Variants in MPP7 observed in about 807,000 individuals in gnomAD.
MPP7 encodes the protein MAGUK p55 subfamily member 7.
MPP7 carries 60 observed loss-of-function variants against 76.5 expected under a neutral mutation model. That is an observed-to-expected ratio of 0.78 (90% confidence interval 0.64 to 0.97). The LOEUF (loss-of-function observed/expected upper bound fraction) is 0.97. Ranked by LOEUF, MPP7 falls within the 50% of genes least tolerant of loss-of-function variation. The pLI, the probability that MPP7 is intolerant of heterozygous loss-of-function variation, is 0.00. For missense variants in MPP7, 641 were observed against 694.0 expected (o/e 0.92, Z 0.86); for synonymous variants, 237 against 244.5 (o/e 0.97, Z 0.29).
chr10:28,088,570 T>C (rs1853132566), intron 12 of MPP7, among the ~76,000 whole-genome samples: 1 of 152,292 alleles, frequency 6.6e-6, no homozygotes, highest in South Asian at 2.1e-4. Flanking sequence ...CCTGTGGAAC[T>C]GTGAGTCAAT....
chr10:28,242,476 T>C (rs934141745), intron 1 of MPP7, among the ~76,000 whole-genome samples: 1 of 152,188 alleles, frequency 6.6e-6, no homozygotes, highest in Admixed American at 6.5e-5. Context: ...TAAATTATAA[T>C]TGTAAGAATA....
At position 28,251,397 on chromosome 10, in the gene MPP7, G is replaced by A. The variant is rs11006949; in HGVS notation, c.-131-12662C>T. Among the ~76,000 whole-genome samples, 46 of 152,128 alleles carry A rather than the reference G, an allele frequency of 3.0e-4. No individual in the cohort carries two copies. In the East Asian group the frequency reaches 8.5e-3, roughly 28 times the overall value. Reference sequence around the variant, plus strand: ...TAATTGCTTGAACCCGGGAGGCGGAGGTTACAGTGAGCCGAGATCGCACCA... The same window carrying A: ...TAATTGCTTGAACCCGGGAGGCGGAAGTTACAGTGAGCCGAGATCGCACCA... On this transcript the variant is annotated intron_variant, in intron 1 of 16. Transcript: ENST00000683449.
At chr10:28,150,613 CT>C (rs200625040) in intron 3 of MPP7, among the ~76,000 whole-genome samples, 1 of 151,356 alleles carries the variant, frequency 6.6e-6, no homozygotes, top group Middle Eastern at 3.4e-3. Context: ...CTTATTCATT[CT>C]TTTTTTTTGA....
chr10:28,117,322 T>C (rs189294170), intron 11 of MPP7, among the ~76,000 whole-genome samples: 1 of 152,280 alleles, frequency 6.6e-6, no homozygotes, highest in African/African-American at 2.4e-5. Flanking sequence ...TTTTTATCAC[T>C]GTATTTTTAA....
chr10:28,270,452 G>A (rs576781776), intron 1 of MPP7, among the ~76,000 whole-genome samples: 101 of 148,250 alleles, frequency 6.8e-4, no homozygotes, highest in African/African-American at 2.4e-3. Context: ...TTGGCAGACA[G>A]AGGCAGGAGG....
At chr10:28,124,280 A>G (rs1834938959) in intron 7 of MPP7, among the ~76,000 whole-genome samples, 164 bp from the exon 8 acceptor site, 1 of 152,166 alleles carries the variant, frequency 6.6e-6, no homozygotes. Context: ...GCCTCTCCAT[A>G]GCAGTGACTC....
intron 2 of MPP7, among the ~76,000 whole-genome samples, chr10:28,326,324 G>A (rs1834415034): frequency 6.6e-6 from 1 of 152,192 alleles, no homozygotes; most frequent in South Asian, 2.1e-4. Context: ...ATCTTGCAGA[G>A]AAGGGCTGCT....
chr10:28,109,867 A>AAAAAAAAAAAAAAT, intron 11 of MPP7, among the ~76,000 whole-genome samples: 1 of 149,438 alleles, frequency 6.7e-6, no homozygotes, highest in Non-Finnish European at 1.5e-5. Flanking sequence ...AAAAAAAAAA[A>AAAAAAAAAAAAAAT]AAAAAACACT....
rs117737096 is a variant in MPP7, at chr10:28,088,682, T to C, written c.1123+989A>G. ...CCATGCTCTTCTACTCCAAAACTTT[T>C]CTAAAATCATTGGCTTTGATCCTGG... On this transcript the variant is annotated intron_variant, in intron 12 of 16. Coordinates refer to ENST00000683449, the MANE Select transcript of MPP7 (RefSeq NM_001318170.2). Among the ~76,000 whole-genome samples, 68 of 152,318 alleles carry C rather than the reference T, an allele frequency of 4.5e-4. No individual in the cohort carries two copies. The East Asian group carries it at 0.013, about 29-fold the overall frequency.
chr10:28,233,360 G>A (rs1178978007), intron 2 of MPP7, among the ~76,000 whole-genome samples: 1 of 152,132 alleles, frequency 6.6e-6, no homozygotes, highest in East Asian at 1.9e-4. Context: ...TTTACGCATG[G>A]GTTAACTTAC....
intron 1 of MPP7, among the ~76,000 whole-genome samples, chr10:28,285,390 G>C (rs1209860865): frequency 6.6e-6 from 1 of 152,026 alleles, no homozygotes; most frequent in Non-Finnish European, 1.5e-5. Flanking sequence ...TCTCTGTGTT[G>C]GTCAGGCTGG....
intron 2 of MPP7, among the ~76,000 whole-genome samples, chr10:28,316,435 TAAAAAAAAAAAAAAAAAAAAAAA>T (rs549621404): frequency 0.029 from 1,089 of 37,174 alleles, 41 homozygotes; most frequent in African/African-American, 0.086. Context: ...ACTCTGTCTT[TAAAAAAAAAAAAAAAAAAAAAAA>T]AAAAAAAAAA....
At chr10:28,316,458 A>AAC (rs1834321517) in intron 2 of MPP7, among the ~76,000 whole-genome samples, 1 of 147,048 alleles carries the variant, frequency 6.8e-6, no homozygotes, top group African/African-American at 2.6e-5. Context: ...AAAAAAAAAA[A>AAC]AAAAAAAAAA....
At chr10:28,262,782 G>A (rs982833777) in intron 1 of MPP7, among the ~76,000 whole-genome samples, 8 of 152,178 alleles carry the variant, frequency 5.3e-5, no homozygotes, top group South Asian at 2.1e-4. Context: ...TTAGCCGGAC[G>A]CAGTGGCTCA....
At chr10:28,174,326 A>C (rs1836787675) in intron 3 of MPP7, among the ~76,000 whole-genome samples, 1 of 152,204 alleles carries the variant, frequency 6.6e-6, no homozygotes, top group Non-Finnish European at 1.5e-5. Flanking sequence ...TCATGCGGAC[A>C]GATCCCTCGT....
chr10:28,295,200 C>T (rs1017023391), intron 1 of MPP7, among the ~76,000 whole-genome samples: 4 of 152,144 alleles, frequency 2.6e-5, no homozygotes, highest in African/African-American at 7.2e-5. Context: ...GAAATTACTA[C>T]CATTTTGAAA....
At chr10:28,312,105 GAAGA>G (rs1392842268) in intron 2 of MPP7, among the ~76,000 whole-genome samples, 1 of 152,160 alleles carries the variant, frequency 6.6e-6, no homozygotes, top group Non-Finnish European at 1.5e-5. Context: ...GATTTATTGT[GAAGA>G]GCGAAAGAAC....
chr10:28,206,006 C>G (rs901826229), intron 2 of MPP7, among the ~76,000 whole-genome samples: 2 of 152,138 alleles, frequency 1.3e-5, no homozygotes, highest in Non-Finnish European at 2.9e-5. Context: ...GATGACACAG[C>G]AAGAAGGCCC....
intron 6 of MPP7, among the ~76,000 whole-genome samples, chr10:28,128,266 G>C (rs908891679): frequency 3.3e-5 from 5 of 152,188 alleles, no homozygotes; most frequent in African/African-American, 1.2e-4. Flanking sequence ...TAGACCAGAA[G>C]TGTTTCAGAT....
Sources: allele counts gnomAD v4.1 joint callset (sites outside exome capture counted in the v4.1 genomes callset), GRCh38; gene constraint gnomAD v4.1.1; transcripts MANE v1.5; gene names NCBI Gene and HGNC (gene_info 2026-07-23, HGNC 2026-07-21).